The following EYS variants were observed in gnomAD, a reference collection of about 807,000 sequenced individuals.
EYS encodes protein eyes shut homolog.
In EYS, 250 loss-of-function variants were observed where a neutral mutation model predicts 282.1. That is an observed-to-expected ratio of 0.89 (90% confidence interval 0.80 to 0.98). The LOEUF (loss-of-function observed/expected upper bound fraction) is 0.98. EYS is among the 50% of genes least tolerant of loss of function. EYS has a pLI of 0.00. For missense variants in EYS, 4,016 were observed against 3,709.0 expected, an observed-to-expected ratio of 1.08 and a Z score of -2.15; for synonymous variants, 1,355 against 1,282.9, an observed-to-expected ratio of 1.06 and a Z score of -1.20.
At chr6:64,970,006 A>T (rs979030997) in intron 14 of EYS, among the ~76,000 whole-genome samples, 7 of 152,194 alleles carry the variant, frequency 4.6e-5, no homozygotes, top group Non-Finnish European at 2.9e-5. Flanking sequence ...AATGTAATAC[A>T]GTTGTTCCAT....
Position 65,185,037 on chromosome 6 carries a change from G to GAAA in EYS, c.2023+110823_2023+110825dup, listed in dbSNP as rs200241313. Among the ~76,000 whole-genome samples the GAAA allele has an allele frequency of 4.2e-4, 61 of 144,374 alleles. 1 individual carries two copies. Among genetic ancestry groups the GAAA allele is most frequent in the South Asian group, 4.3e-4 (2 of 4,640 alleles). 94.7% of individuals were successfully genotyped at this position (144,374 alleles called of 152,430 possible). A position where few individuals can be genotyped will look rare whatever the true frequency, so the allele number is the denominator to read the frequency against. On this transcript the variant is annotated intron_variant, in intron 12 of 42. Transcript: ENST00000503581. ...ATACATATTGTATGTAAAAAAGAAAGAAAAAAAAAACTATATGTGTGATTG... is the reference window on the plus strand; with the variant it reads ...ATACATATTGTATGTAAAAAAGAAAGAAAAAAAAAAAAACTATATGTGTGATTG...
chr6:65,321,788 G>A (rs1404346196), intron 11 of EYS, among the ~76,000 whole-genome samples: 1 of 152,208 alleles, frequency 6.6e-6, no homozygotes, highest in Non-Finnish European at 1.5e-5. Context: ...AGGGGGCCTG[G>A]CCATTGCCTC....
At chr6:63,949,769 A>T (rs528534122) in intron 35 of EYS, among the ~76,000 whole-genome samples, 1 of 152,374 alleles carries the variant, frequency 6.6e-6, no homozygotes, top group South Asian at 2.1e-4. Context: ...AACAAGTTGG[A>T]TTCCTAAGAA....
chr6:65,342,785 AT>A lies in EYS; in HGVS notation c.1599+1252del, dbSNP rs1770246301. ...TGATCTTAGATTGCTATATTTGCGT[AT>A]TTTCTTGAGTCTAAAGAAATTGTCT... is the stretch of plus-strand genomic sequence containing the variant. On this transcript the variant is annotated intron_variant, in intron 10 of 42. Transcript: ENST00000503581. Among the ~76,000 whole-genome samples, 4 of 150,782 alleles carry A rather than the reference AT, an allele frequency of 2.7e-5. No individual in the cohort carries two copies. The South Asian group carries it at 8.4e-4, about 31-fold the overall frequency.
chr6:65,166,917 A>G (rs1442629742), intron 12 of EYS, among the ~76,000 whole-genome samples: 1 of 151,216 alleles, frequency 6.6e-6, no homozygotes, highest in East Asian at 2.0e-4. Flanking sequence ...ACATAATATA[A>G]ACAGTCAATA....
chr6:64,986,734 A>T (rs1361039363), intron 14 of EYS, among the ~76,000 whole-genome samples: 4 of 101,498 alleles, frequency 3.9e-5, no homozygotes, highest in Non-Finnish European at 1.0e-4. Flanking sequence ...ACCATTTCAT[A>T]CTATTAATTT....
intron 31 of EYS, among the ~76,000 whole-genome samples, chr6:64,116,490 T>C (rs1265502769): frequency 6.6e-6 from 1 of 152,002 alleles, no homozygotes; most frequent in African/African-American, 2.4e-5. Context: ...GAACAAAGGG[T>C]TGACAAGGTA....
intron 39 of EYS, among the ~76,000 whole-genome samples, chr6:63,783,752 T>G (rs1770294422): frequency 6.6e-6 from 1 of 152,090 alleles, no homozygotes; most frequent in African/African-American, 2.4e-5. Flanking sequence ...GAATGCTGAT[T>G]TAAGCACGGG....
intron 12 of EYS, among the ~76,000 whole-genome samples, chr6:65,148,909 C>G (rs1451789491): frequency 6.6e-6 from 1 of 152,078 alleles, no homozygotes; most frequent in Non-Finnish European, 1.5e-5. Context: ...CAAGCTGTAC[C>G]TTGGCCCCTT....
intron 35 of EYS, among the ~76,000 whole-genome samples, chr6:63,943,037 G>C (rs1765289729): frequency 6.6e-6 from 1 of 152,152 alleles, no homozygotes; most frequent in Non-Finnish European, 1.5e-5. Context: ...TGTGTTAACT[G>C]TTTATGTTAT....
intron 36 of EYS, among the ~76,000 whole-genome samples, chr6:63,819,566 G>A (rs1315108127): frequency 6.6e-6 from 1 of 152,166 alleles, no homozygotes; most frequent in Non-Finnish European, 1.5e-5. Context: ...GAATGGTGCT[G>A]TTACCCTGAA....
rs75890343 is a variant in EYS, at chr6:64,987,208, C to T, written c.2259+10374G>A. Among the ~76,000 whole-genome samples the T allele has an allele frequency of 2.3e-3, 342 of 151,514 alleles. 1 individual carries two copies. Among genetic ancestry groups the T allele is most frequent in the African/African-American group, 7.8e-3 (322 of 41,442 alleles). ...CTATCACCTGTTAGCAGATGATTTCCGGAATCATCAGGTTCTTGCTACACC... is the reference window on the plus strand; with the variant it reads ...CTATCACCTGTTAGCAGATGATTTCTGGAATCATCAGGTTCTTGCTACACC... On this transcript the variant is annotated intron_variant, in intron 14 of 42. Coordinates refer to ENST00000503581, the MANE Select transcript of EYS (RefSeq NM_001142800.2).
At chr6:64,486,829 T>C (rs1776591569) in intron 26 of EYS, among the ~76,000 whole-genome samples, 1 of 151,260 alleles carries the variant, frequency 6.6e-6, no homozygotes, top group Admixed American at 6.6e-5. Context: ...GAGAGATAAC[T>C]AGGGAAGGAG....
intron 19 of EYS, among the ~76,000 whole-genome samples, chr6:64,883,777 A>G (rs7748036): frequency 0.55 from 83,720 of 151,212 alleles, 23,971 homozygotes; most frequent in Non-Finnish European, 0.62. Flanking sequence ...GCCTTTGATC[A>G]TATGCCATCA....
At chr6:64,977,064 C>T (rs983934174) in intron 14 of EYS, among the ~76,000 whole-genome samples, 7 of 151,406 alleles carry the variant, frequency 4.6e-5, no homozygotes, top group East Asian at 2.0e-4. Flanking sequence ...GCCTAATTTT[C>T]GTATTTTTAG....
chr6:63,881,754 G>A (rs1254764998), intron 35 of EYS, among the ~76,000 whole-genome samples: 1 of 151,844 alleles, frequency 6.6e-6, no homozygotes, highest in Non-Finnish European at 1.5e-5. Context: ...TCAAATATTT[G>A]GCATATATTT....
intron 5 of EYS, among the ~76,000 whole-genome samples, chr6:65,480,092 G>C (rs1765553852): frequency 6.6e-6 from 1 of 152,058 alleles, no homozygotes; most frequent in African/African-American, 2.4e-5. Flanking sequence ...TTGAACCCAG[G>C]AGGCACAGGT....
chr6:64,392,689 T>G (rs999947966), intron 28 of EYS, among the ~76,000 whole-genome samples: 87 of 149,058 alleles, frequency 5.8e-4, no homozygotes, highest in African/African-American at 2.0e-3. Context: ...AGATGCAAAA[T>G]TGACACCCTA....
At chr6:65,089,530 G>T (rs1774489533) in intron 12 of EYS, among the ~76,000 whole-genome samples, 1 of 152,260 alleles carries the variant, frequency 6.6e-6, no homozygotes, top group East Asian at 1.9e-4. Context: ...CCCGATGCTG[G>T]TATCCCCATT....
Sources: gnomAD v4.1 joint callset for allele counts (sites outside exome capture counted in the v4.1 genomes callset) on GRCh38, gnomAD v4.1.1 for gene constraint, MANE v1.5 for transcripts, NCBI Gene and HGNC (gene_info 2026-07-23, HGNC 2026-07-21) for gene names.